The following URGCP variants were observed in gnomAD, a reference collection of about 807,000 sequenced individuals.
URGCP encodes the protein upregulator of cell proliferation.
In URGCP, 13 loss-of-function variants were observed where a neutral mutation model predicts 24.6. The observed-to-expected ratio is 0.53, with a 90% CI of 0.34 to 0.84. The LOEUF is 0.84. URGCP is among the 40% of genes least tolerant of loss of function. The probability of loss-of-function intolerance (pLI) is 0.01; values close to 1 mark genes in which losing one functional copy is unlikely to be tolerated. For synonymous variants in URGCP, 444 were observed against 487.2 expected (o/e 0.91, Z 1.17); for missense variants, 899 against 1,194.3 (o/e 0.75, Z 3.64).
chr7:43,922,958 CTCTT>C (rs1272856045), intron 1 of URGCP, among the ~76,000 whole-genome samples: 3 of 150,466 alleles, frequency 2.0e-5, no homozygotes, highest in Non-Finnish European at 4.4e-5. Context: ...CTCTTTCTCT[CTCTT>C]TCTCCTCTCT....
intron 3 of URGCP, among the ~76,000 whole-genome samples, chr7:43,887,023 C>G (rs923227463): frequency 6.6e-6 from 1 of 152,060 alleles, no homozygotes; most frequent in Non-Finnish European, 1.5e-5. Context: ...CCCTTTCACT[C>G]TCAGAAGTGC....
At chr7:43,913,294 C>T (rs1402782098) in intron 1 of URGCP, among the ~76,000 whole-genome samples, 5 of 152,074 alleles carry the variant, frequency 3.3e-5, no homozygotes, top group African/African-American at 9.7e-5. Flanking sequence ...CTGCAAGCTC[C>T]GCCTCCTGGG....
At chr7:43,896,451 T>A (rs1260300735) in intron 1 of URGCP, among the ~76,000 whole-genome samples, 16 of 131,136 alleles carry the variant, frequency 1.2e-4, no homozygotes, top group Non-Finnish European at 2.4e-4. Context: ...AGAGACTCTG[T>A]CTCAAAAAAA....
At chr7:43,893,173 T>C (rs769092658) in intron 1 of URGCP, among the ~76,000 whole-genome samples, 18 of 151,566 alleles carry the variant, frequency 1.2e-4, no homozygotes, top group Non-Finnish European at 2.7e-4. Context: ...CCAAAAATAA[T>C]AATAATAAAA....
At chr7:43,897,907 C>T (rs1005709497) in intron 1 of URGCP, among the ~76,000 whole-genome samples, 1 of 152,164 alleles carries the variant, frequency 6.6e-6, no homozygotes, top group Non-Finnish European at 1.5e-5. Context: ...TCAAGTTTTC[C>T]AGGTTCAATC....
At chr7:43,916,718 C>G (rs1035387096) in intron 1 of URGCP, among the ~76,000 whole-genome samples, 1 of 129,030 alleles carries the variant, frequency 7.8e-6, no homozygotes, top group African/African-American at 2.8e-5. Context: ...CCCACCCCCC[C>G]CCCCCACATA....
chr7:43,878,685 C>T lies in URGCP; in HGVS notation c.778G>A (p.Ala260Thr). ...ATGCGCACGAAGGCGAAGGCGGGCGCCCTGGACAAGACCACGCTGTCTTCC... is the reference window on the plus strand; with the variant it reads ...ATGCGCACGAAGGCGAAGGCGGGCGTCCTGGACAAGACCACGCTGTCTTCC... ...FREDSVVLSR[A>T]PAFAFVRMDV... Residue 260 changes from alanine (A) to threonine (T), a missense_variant, in exon 6 of 6, where the codon GCG becomes ACG. By Grantham distance (58) the Ala-to-Thr change is moderately conservative (BLOSUM62 0). Coordinates refer to ENST00000453200, the MANE Select transcript of URGCP (RefSeq NM_001077663.3). This position sits in a 1 kb window ranked among gnomAD's most constrained non-coding sequence, Gnocchi z 5.6. 6.2e-7 allele frequency: 1 copy of T among 1,613,834 alleles called. No individual in the cohort carries two copies. The highest frequency in any genetic ancestry group is 8.5e-7 in the Non-Finnish European group (1 of 1,180,042).
At chr7:43,897,866 A>T (rs1368720143) in intron 1 of URGCP, among the ~76,000 whole-genome samples, 1 of 152,250 alleles carries the variant, frequency 6.6e-6, no homozygotes, top group African/African-American at 2.4e-5. Flanking sequence ...CAGACTGCAC[A>T]AAGTGTCTAC....
intron 1 of URGCP, among the ~76,000 whole-genome samples, chr7:43,924,794 C>A (rs2095926840): frequency 6.6e-6 from 1 of 152,086 alleles, no homozygotes; most frequent in Non-Finnish European, 1.5e-5. Context: ...TTTTTTGAGA[C>A]AGGGTCTTGC....
intron 1 of URGCP, 156 bp from the exon 2 acceptor site, chr7:43,887,972 C>A: frequency 3.4e-6 from 2 of 588,030 alleles, no homozygotes; most frequent in African/African-American, 1.9e-5. Context: ...CTTTTGTGGA[C>A]AAAAAGATGC....
At chr7:43,905,938 T>C (rs1375894359) in intron 1 of URGCP, 1 of 151,986 alleles carries the variant, frequency 6.6e-6, no homozygotes, top group African/African-American at 2.4e-5. Context: ...ATCAAAAAAG[T>C]TGAAAAGAGG....
intron 1 of URGCP, among the ~76,000 whole-genome samples, chr7:43,897,318 G>A (rs1377703418): frequency 6.6e-6 from 1 of 152,248 alleles, no homozygotes; most frequent in Non-Finnish European, 1.5e-5. Context: ...ATGGTGGTGG[G>A]GAGCGCAGAG....
intron 1 of URGCP, chr7:43,918,842 C>T: frequency 1.5e-6 from 2 of 1,347,546 alleles, no homozygotes; most frequent in South Asian, 2.3e-5. Flanking sequence ...ACCACAAGGA[C>T]ATCTTTTTCT....
At position 43,881,893 on chromosome 7, in the gene URGCP, C is replaced by G; in HGVS notation, c.163+14G>C. The G allele has an allele frequency of 1.9e-6, 3 of 1,613,810 alleles. No homozygotes were observed. Among genetic ancestry groups the G allele is most frequent in the Non-Finnish European group, 2.5e-6 (3 of 1,179,684 alleles). The stretch of plus-strand genomic sequence containing the variant: ...TCCCCAGTCCAATCTGTTGCCAAAT[C>G]CTGTAGTTTCTACCTCCATAACGGA... On this transcript the variant is annotated intron_variant, in intron 4 of 5. Coordinates refer to ENST00000453200, the MANE Select transcript of URGCP (RefSeq NM_001077663.3).
At chr7:43,926,677 G>C, upstream of URGCP, 2 of 1,091,562 alleles carry the variant, frequency 1.8e-6, no homozygotes, top group Non-Finnish European at 2.5e-6. Context: ...CACCTGCCTG[G>C]GAAGGAGGCA....
chr7:43,884,751 T>C (rs1346577891), intron 3 of URGCP, among the ~76,000 whole-genome samples: 1 of 152,112 alleles, frequency 6.6e-6, no homozygotes, highest in Non-Finnish European at 1.5e-5. Flanking sequence ...GGAGAATCCC[T>C]TGAGGCCAGG....
At chr7:43,922,056 C>T (rs2132733791) in intron 1 of URGCP, among the ~76,000 whole-genome samples, 1 of 151,886 alleles carries the variant, frequency 6.6e-6, no homozygotes, top group Non-Finnish European at 1.5e-5. Flanking sequence ...CCATGCCCAG[C>T]TAATTTCCGT....
chr7:43,889,168 G>A (rs2095866574), intron 1 of URGCP: 1 of 152,158 alleles, frequency 6.6e-6, no homozygotes, highest in Non-Finnish European at 1.5e-5. Context: ...GAAATGTGGA[G>A]GGGGATGCTG....
At chr7:43,904,165 C>T (rs1459421271) in intron 1 of URGCP, among the ~76,000 whole-genome samples, 1 of 152,232 alleles carries the variant, frequency 6.6e-6, no homozygotes, top group African/African-American at 2.4e-5. Context: ...CAAACGGGAC[C>T]AGGTCCCATC....
Sources: allele counts gnomAD v4.1 joint callset (sites outside exome capture counted in the v4.1 genomes callset), GRCh38; gene constraint gnomAD v4.1.1; non-coding constraint Gnocchi (gnomAD v3.1); transcripts MANE v1.5; gene names NCBI Gene and HGNC (gene_info 2026-07-23, HGNC 2026-07-21).